The following MGME1 variants were observed in gnomAD, a reference collection of about 807,000 sequenced individuals.
The protein encoded by MGME1 is chromosome 20 open reading frame 72.
MGME1 carries 22 observed loss-of-function variants against 33.0 expected under a neutral mutation model. The ratio of observed to expected loss-of-function variants is 0.67; its 90% CI spans 0.48 to 0.95. The LOEUF (loss-of-function observed/expected upper bound fraction) is 0.95, where lower values mean the gene tolerates loss of function less well. MGME1 is among the 40% of genes least tolerant of loss of function. The pLI is 0.00. For missense variants in MGME1, 383 were observed against 397.8 expected, an observed-to-expected ratio of 0.96 and a Z score of 0.32; for synonymous variants, 133 against 144.0, an observed-to-expected ratio of 0.92 and a Z score of 0.55.
intron 2 of MGME1, among the ~76,000 whole-genome samples, chr20:17,971,039 A>G (rs902793549): frequency 1.3e-5 from 2 of 152,252 alleles, no homozygotes; most frequent in African/African-American, 4.8e-5. Context: ...GTTAAAGGAA[A>G]GTTTCACATC....
intron 1 of MGME1, 105 bp from the exon 2 acceptor site, chr20:17,969,696 C>G (rs987284786): frequency 1.3e-5 from 9 of 685,212 alleles, no homozygotes; most frequent in Non-Finnish European, 1.8e-5. Flanking sequence ...TGTCGACTTT[C>G]TTAAGAAAGG....
chr20:17,980,803 C>T (rs545056979), intron 3 of MGME1, among the ~76,000 whole-genome samples: 21 of 129,784 alleles, frequency 1.6e-4, no homozygotes, highest in Admixed American at 7.8e-4. Context: ...AGTGAGACTC[C>T]ATCTCAAAAA....
intron 4 of MGME1, among the ~76,000 whole-genome samples, chr20:17,989,315 G>T (rs919770908): frequency 2.0e-5 from 3 of 151,820 alleles, no homozygotes; most frequent in East Asian, 1.9e-4. Context: ...GAACCCAGGA[G>T]GCGGAGGTTG....
intron 3 of MGME1, among the ~76,000 whole-genome samples, chr20:17,978,494 C>T (rs1157965067): frequency 6.6e-6 from 1 of 151,980 alleles, no homozygotes; most frequent in South Asian, 2.1e-4. Context: ...CGTGAGCCAC[C>T]GCGCCTGGCC....
chr20:17,975,011 AT>A (rs958836123), intron 2 of MGME1, among the ~76,000 whole-genome samples: 1 of 151,676 alleles, frequency 6.6e-6, no homozygotes, highest in South Asian at 2.1e-4. Flanking sequence ...TAGATTTCTA[AT>A]TTTTTTTTAT....
At position 17,969,857 on chromosome 20, in the gene MGME1, T is replaced by A. The variant is rs753520911; in HGVS notation, c.-3T>A. On this transcript the variant is annotated 5_prime_UTR_variant, in exon 2 of 5. Coordinates refer to ENST00000377710, the MANE Select transcript of MGME1 (RefSeq NM_052865.4). ...AAATAGACTAAAGTGAAAACAAATC[T>A]GAATGAAGATGAAGTTATTTCAGAC... 1.3e-6 allele frequency: 2 copies of A among 1,599,366 alleles called. No homozygotes were observed. The highest frequency in any genetic ancestry group is 2.7e-5 in the African/African-American group (2 of 73,938).
chr20:17,983,572 TC>T lies in MGME1; in HGVS notation c.732-4593del, dbSNP rs1315786245. Reference sequence around the variant, plus strand: ...AATTTACATGCCCACCAACAGTTTATCAGGGTTCTCTTTTCTGCAGTCCTCA... The same window carrying T: ...AATTTACATGCCCACCAACAGTTTATAGGGTTCTCTTTTCTGCAGTCCTCA... On this transcript the variant is annotated intron_variant, in intron 3 of 4. Coordinates refer to ENST00000377710, the MANE Select transcript of MGME1 (RefSeq NM_052865.4). Among the ~76,000 whole-genome samples the T allele has an allele frequency of 3.9e-5, 6 of 152,328 alleles. No individual in the cohort carries two copies. The East Asian group carries it at 9.6e-4, about 24-fold the overall frequency.
intron 2 of MGME1, 115 bp from the exon 3 acceptor site, chr20:17,975,557 AAAAAAAAAAAAG>A: frequency 4.5e-6 from 3 of 660,226 alleles, no homozygotes; most frequent in Non-Finnish European, 7.2e-6. Flanking sequence ...CTCCATCCAA[AAAAAAAAAAAAG>A]AAAAAAAAAT....
chr20:17,981,548 GC>G (rs1168871747), intron 3 of MGME1, among the ~76,000 whole-genome samples: 2 of 152,046 alleles, frequency 1.3e-5, no homozygotes, highest in Non-Finnish European at 2.9e-5. Flanking sequence ...TTGCTGTGTT[GC>G]CCAGACTAAT....
At position 17,970,177 on chromosome 20, in the gene MGME1, A is replaced by G; in HGVS notation, c.318A>G (p.Pro106=). The part of the protein sequence containing the change: ...VPQNWFPIFN[P]ERSDKPNASD... ...AAAACTGGTTTCCTATCTTCAATCC[A>G]GAGAGAAGTGATAAACCAAATGCAA... The change falls in exon 2 of 5, where the codon CCA becomes CCG. Residue 106 remains proline (P), a synonymous_variant. Coordinates refer to ENST00000377710, the MANE Select transcript of MGME1 (RefSeq NM_052865.4). 1 of 1,614,230 alleles carries G rather than the reference A, an allele frequency of 6.2e-7. No individual in the cohort carries two copies. Among genetic ancestry groups the G allele is most frequent in the Non-Finnish European group, 8.5e-7 (1 of 1,180,046 alleles).
At chr20:17,970,604 T>C (rs367750505) in intron 2 of MGME1, among the ~76,000 whole-genome samples, 2 of 152,198 alleles carry the variant, frequency 1.3e-5, no homozygotes, top group Admixed American at 1.3e-4. Flanking sequence ...CTAAAATAGA[T>C]CAAATATTTG....
intron 2 of MGME1, 86 bp from the exon 3 acceptor site, chr20:17,975,598 G>C: frequency 1.1e-6 from 1 of 871,798 alleles, no homozygotes; most frequent in Admixed American, 2.5e-5. Context: ...TAATTGTATT[G>C]TTTCAGGGCG....
intron 2 of MGME1, 120 bp from the exon 3 acceptor site, chr20:17,975,554 CAAAAAAAAAA>C (rs894514527): frequency 5.3e-6 from 3 of 566,710 alleles, no homozygotes; most frequent in Middle Eastern, 4.4e-4. Context: ...AGACTCCATC[CAAAAAAAAAA>C]AAAAGAAAAA....
At chr20:17,988,978 A>C (rs540881476) in intron 4 of MGME1, among the ~76,000 whole-genome samples, 1 of 152,130 alleles carries the variant, frequency 6.6e-6, no homozygotes, top group East Asian at 1.9e-4. Flanking sequence ...TGTGCCAGCT[A>C]CTTGGGAGGC....
At position 17,988,285 on chromosome 20, in the gene MGME1, A is replaced by G. The variant is rs767987313; in HGVS notation, c.851A>G (p.Asn284Ser). 46 of 1,613,702 alleles carry G rather than the reference A, an allele frequency of 2.9e-5. 1 individual carries two copies. The South Asian group carries it at 4.8e-4, about 17-fold the overall frequency. Residue 284 changes from asparagine (N) to serine (S), a missense_variant, in exon 4 of 5, where the codon AAC becomes AGC. Coordinates refer to ENST00000377710, the MANE Select transcript of MGME1 (RefSeq NM_052865.4). ...ATGGGTGCCATGAACCATGATACCA[A>G]CTACAGCTTTCAGGTCAGGACACTG... ...AYMGAMNHDT[N>S]YSFQVQCGLI...
chr20:17,981,028 G>A (rs1016027610), intron 3 of MGME1, among the ~76,000 whole-genome samples: 2 of 151,932 alleles, frequency 1.3e-5, no homozygotes, highest in African/African-American at 2.4e-5. Context: ...GGCCAAAGGC[G>A]ATTGCTGTTT....
chr20:17,990,083 A>AT lies in MGME1; in HGVS notation c.1011dup (p.Gln338SerfsTer34). 6.2e-7 allele frequency: 1 copy of AT among 1,614,120 alleles called. No homozygotes were observed. Among genetic ancestry groups the AT allele is most frequent in the South Asian group, 1.1e-5 (1 of 91,072 alleles). ...TACGGAAAAGAAAAAGAACCAGAAT[A>AT]TTCAGAAACCAGAATATTCAGAATA... On this transcript the variant is annotated frameshift_variant, in exon 5 of 5. Coordinates refer to ENST00000377710, the MANE Select transcript of MGME1 (RefSeq NM_052865.4). LOFTEE classifies it high-confidence loss of function.
chr20:17,988,035 A>G, intron 3 of MGME1, 131 bp from the exon 4 acceptor site: 3 of 865,576 alleles, frequency 3.5e-6, no homozygotes, highest in Non-Finnish European at 5.0e-6. Flanking sequence ...TTAAAAAAGG[A>G]AAAAAATGGT....
intron 3 of MGME1, among the ~76,000 whole-genome samples, chr20:17,987,815 C>G (rs2036191090): frequency 6.6e-6 from 1 of 152,010 alleles, no homozygotes; most frequent in Non-Finnish European, 1.5e-5. Flanking sequence ...CTCTCTGTAT[C>G]CTTTTGATAT....
Sources: gnomAD v4.1 joint callset for allele counts (sites outside exome capture counted in the v4.1 genomes callset) on GRCh38, gnomAD v4.1.1 for gene constraint, MANE v1.5 for transcripts, NCBI Gene and HGNC (gene_info 2026-07-23, HGNC 2026-07-21) for gene names.